ITGA2B: variants seen among roughly 807,000 people sequenced by gnomAD.
The protein encoded by ITGA2B is integrin alpha-IIb.
A neutral mutation model predicts 142.0 loss-of-function variants in ITGA2B; 91 were observed. The observed-to-expected ratio is 0.64, with a 90% CI of 0.54 to 0.76. The LOEUF (loss-of-function observed/expected upper bound fraction) is 0.76, where lower values mean the gene tolerates loss of function less well. Ranked by LOEUF, ITGA2B falls within the 30% of genes least tolerant of loss-of-function variation. The pLI is 0.00. For missense variants in ITGA2B, 1,231 were observed against 1,350.8 expected, an observed-to-expected ratio of 0.91 and a Z score of 1.39; for synonymous variants, 536 against 567.2, an observed-to-expected ratio of 0.94 and a Z score of 0.78.
Position 44,383,675 on chromosome 17 carries a change from A to C in ITGA2B, c.1028T>G (p.Leu343Arg), listed in dbSNP as rs1476448476. 6.3e-7 allele frequency: 1 copy of C among 1,587,878 alleles called. No individual in the cohort carries two copies. The highest frequency in any genetic ancestry group is 1.3e-5 in the African/African-American group (1 of 74,408). Residue 343 changes from leucine (L) to arginine (R), a missense_variant, in exon 12 of 30, where the codon CTG becomes CGG. Physicochemically the swap from Leu to Arg is moderately radical, Grantham distance 102. This residue lies in a region of ITGA2B where 908 missense variants were observed against 1,021.1 expected (regional missense o/e 0.89). Transcript: ENST00000262407. The stretch of plus-strand genomic sequence containing the variant: ...TCGGTCTGCCCGGCTCTCCATATAC[A>C]GTGGAGCGCCCACCAGCAGATCATG... ...GRHDLLVGAP[L>R]YMESRADRKL...
At chr17:44,374,914 C>G in intron 27 of ITGA2B, 84 bp downstream of exon 27, 3 of 1,330,574 alleles carry the variant, frequency 2.3e-6, no homozygotes, top group Non-Finnish European at 3.1e-6. Flanking sequence ...TCTTCCTGCC[C>G]TCCCACACCA....
At position 44,374,677 on chromosome 17, in the gene ITGA2B, C is replaced by A; in HGVS notation, c.2925G>T (p.Leu975=). 6.2e-7 allele frequency: 1 copy of A among 1,613,958 alleles called. No individual in the cohort carries two copies. Among genetic ancestry groups the A allele is most frequent in the Non-Finnish European group, 8.5e-7 (1 of 1,179,878 alleles). Residue 975 remains leucine, a synonymous_variant, in exon 28 of 30, where the codon CTG becomes CTT. Transcript: ENST00000262407. ...SLPYAVPPLS[L]PRGEAQVWTQ... is the part of the protein sequence containing the mutation. ...CACTCACCTGAGCTTCCCCTCGGGGCAGGCTGAGCGGGGGCACCGCATAGG... is the reference window on the plus strand; with the variant it reads ...CACTCACCTGAGCTTCCCCTCGGGGAAGGCTGAGCGGGGGCACCGCATAGG...
rs116403863 is a variant in ITGA2B at position 44,375,428 on chromosome 17, A to G, written c.2727+163T>C. The G allele has an allele frequency of 2.5e-4, 208 of 840,330 alleles. No homozygotes were observed. In the African/African-American group the frequency reaches 3.2e-3, roughly 13 times the overall value. 52.1% of individuals were successfully genotyped at this position (840,330 alleles called of 1,614,324 possible). ...GTGCAAGTGTCTTTCAGCTCACCCC[A>G]GACACAAGCCAGCATGCTCCTCCAT... On this transcript the variant is annotated intron_variant, in intron 26 of 29. Coordinates refer to ENST00000262407, the MANE Select transcript of ITGA2B (RefSeq NM_000419.5).
chr17:44,382,409 C>A (rs1441687390), intron 12 of ITGA2B, among the ~76,000 whole-genome samples: 1 of 152,098 alleles, frequency 6.6e-6, no homozygotes, highest in Non-Finnish European at 1.5e-5. Flanking sequence ...TACCTTACCC[C>A]ATTGCATTCT....
In ITGA2B at chr17:44,385,842, G is replaced by A; in HGVS notation, c.390C>T (p.Ser130=). Residue 130 remains serine (S), a synonymous_variant, in exon 3 of 30, where the codon AGC becomes AGT. Coordinates refer to ENST00000262407, the MANE Select transcript of ITGA2B (RefSeq NM_000419.5). The part of the protein sequence containing the change: ...ARQGLGASVV[S]WSDVIVACAP... ...GGCCCACCACAATGACGTCGCTCCA[G>A]CTGACGACCGACGCCCCCAGTCCTT... The A allele has an allele frequency of 6.2e-7, 1 of 1,604,276 alleles. No individual in the cohort carries two copies. The highest frequency in any genetic ancestry group is 8.5e-7 in the Non-Finnish European group (1 of 1,174,968).
intron 1 of ITGA2B, among the ~76,000 whole-genome samples, chr17:44,388,505 C>T (rs1319123274): frequency 1.4e-4 from 21 of 149,320 alleles, no homozygotes; most frequent in Admixed American, 2.0e-4. Context: ...TACAAGCATG[C>T]GGCACCACGC....
rs2048625416 is a variant in ITGA2B, at chr17:44,384,424, T to C, written c.848-70A>G. On this transcript the variant is annotated intron_variant, in intron 8 of 29. Coordinates refer to ENST00000262407, the MANE Select transcript of ITGA2B (RefSeq NM_000419.5). ...CCTACCCACTTCCCGCTCCCCGTTC[T>C]GCACCCAGGGAAAAATGTGTGTGCA... 54 of 1,608,088 alleles carry C rather than the reference T, an allele frequency of 3.4e-5. No individual in the cohort carries two copies. In the South Asian group the frequency reaches 5.4e-4, roughly 16 times the overall value.
In ITGA2B at chr17:44,380,951, G is replaced by T; in HGVS notation, c.1321C>A (p.Pro441Thr). Reference protein sequence around the residue: ...RSRPSQVLDSPFPTGSAFGFS... With the variant: ...RSRPSQVLDSTFPTGSAFGFS... ...CCAAAGGCAGAGCCTGTGGGGAAGG[G>T]GCTGTCCAGGACCTGGGAGGGACGT... The change falls in exon 13 of 30, where the codon CCC becomes ACC. Residue 441 changes from proline (P) to threonine (T), a missense_variant. This residue lies in a region of ITGA2B where 908 missense variants were observed against 1,021.1 expected (regional missense o/e 0.89). Coordinates refer to ENST00000262407, the MANE Select transcript of ITGA2B (RefSeq NM_000419.5). 2 of 1,614,242 alleles carry T rather than the reference G, an allele frequency of 1.2e-6. No individual in the cohort carries two copies. Among genetic ancestry groups the T allele is most frequent in the Non-Finnish European group, 1.7e-6 (2 of 1,180,042 alleles).
intron 1 of ITGA2B, among the ~76,000 whole-genome samples, chr17:44,387,826 C>CAAAAAAAAAA (rs980395817): frequency 3.3e-4 from 8 of 24,550 alleles, no homozygotes; most frequent in Admixed American, 6.5e-4. Flanking sequence ...AACCCCATCT[C>CAAAAAAAAAA]AAAAAAAAAA....
rs1598378490 is a variant in ITGA2B, at chr17:44,378,482, TG to T, written c.1973del (p.Ala658GlufsTer37). 6.2e-7 allele frequency: 1 copy of T among 1,613,878 alleles called. No individual in the cohort carries two copies. Among genetic ancestry groups the T allele is most frequent in the African/African-American group, 1.3e-5 (1 of 75,068 alleles). On this transcript the variant is annotated frameshift_variant, in exon 20 of 30. Coordinates refer to ENST00000262407, the MANE Select transcript of ITGA2B (RefSeq NM_000419.5). LOFTEE classifies it high-confidence loss of function. ...SVTGSPLLVG[A>X]DNVLELQMDA... The stretch of plus-strand genomic sequence containing the variant: ...CCATCTGCAGCTCCAGGACATTATC[TG>T]CCCCAACTAGGAGCGGGGAGCCCGT...
chr17:44,385,871 G>T lies in ITGA2B; in HGVS notation c.361C>A (p.Arg121Ser). 1 of 1,606,706 alleles carries T rather than the reference G, an allele frequency of 6.2e-7. No individual in the cohort carries two copies. The highest frequency in any genetic ancestry group is 1.1e-5 in the South Asian group (1 of 90,246). ...GSQTLQTFKA[R>S]QGLGASVVSW... ...ACGACCGACGCCCCCAGTCCTTGGCGGGCCTTGAAGGTTTGTAAAGTTTGG... is the reference window on the plus strand; with the variant it reads ...ACGACCGACGCCCCCAGTCCTTGGCTGGCCTTGAAGGTTTGTAAAGTTTGG... Residue 121 changes from arginine (R) to serine (S), a missense_variant, in exon 3 of 30, where the codon CGC becomes AGC. This residue lies in a region of ITGA2B where 318 missense variants were observed against 312.2 expected (regional missense o/e 1.02). Transcript: ENST00000262407.
Position 44,389,616 on chromosome 17 carries a change from C to G in ITGA2B, c.-143G>C. 4 of 905,968 alleles carry G rather than the reference C, an allele frequency of 4.4e-6. No homozygotes were observed. Among genetic ancestry groups the G allele is most frequent in the Non-Finnish European group, 6.7e-6 (4 of 593,042 alleles). The allele number at this position is 905,968 out of a possible 1,614,324, so 56.1% of individuals were successfully genotyped here. ...ACGGGCAGAGCAAAGGGCTATAGCC[C>G]CTGGACTCATGGTGGCTAGAATTGC... On this transcript the variant is annotated 5_prime_UTR_variant, in exon 1 of 30. Coordinates refer to ENST00000262407, the MANE Select transcript of ITGA2B (RefSeq NM_000419.5).
intron 29 of ITGA2B, among the ~76,000 whole-genome samples, chr17:44,373,283 G>T (rs1166790672): frequency 6.6e-6 from 1 of 151,958 alleles, no homozygotes; most frequent in Non-Finnish European, 1.5e-5. Flanking sequence ...AAGTACAGGT[G>T]CCTGCCACCA....
Position 44,372,325 on chromosome 17 carries a change from A to G in ITGA2B, c.*39T>C. On this transcript the variant is annotated 3_prime_UTR_variant, in exon 30 of 30. Coordinates refer to ENST00000262407, the MANE Select transcript of ITGA2B (RefSeq NM_000419.5). The stretch of plus-strand genomic sequence containing the variant: ...TTGGAGAAGGGGCGGTGCAGGTAGC[A>G]CGCCCAACCCTCCTGCTAGAATAGT... 1.9e-6 allele frequency: 3 copies of G among 1,603,764 alleles called. No individual in the cohort carries two copies. Among genetic ancestry groups the G allele is most frequent in the Non-Finnish European group, 2.6e-6 (3 of 1,170,620 alleles).
In ITGA2B at chr17:44,375,633, T is replaced by C. The variant is rs139029282; in HGVS notation, c.2685A>G (p.Pro895=). 40 of 1,613,712 alleles carry C rather than the reference T, an allele frequency of 2.5e-5. No individual in the cohort carries two copies. In the Middle Eastern group the frequency reaches 9.9e-4, roughly 40 times the overall value. ...HKRDRRQIFL[P]EPEQPSRLQD... is the part of the protein sequence containing the mutation. ...GAAGCCTCGAGGGCTGCTCGGGCTC[T>C]GGCAGGAAGATCTGTCTGCGATCCC... is the stretch of plus-strand genomic sequence containing the variant. Residue 895 remains proline, a synonymous_variant, in exon 26 of 30, where the codon CCA becomes CCG. Transcript: ENST00000262407.
intron 21 of ITGA2B, among the ~76,000 whole-genome samples, chr17:44,377,321 G>T (rs963274543): frequency 1.3e-5 from 2 of 151,684 alleles, no homozygotes; most frequent in South Asian, 4.2e-4. Flanking sequence ...TCAACCTCCC[G>T]AGTAGCTCTG....
chr17:44,384,487 G>A, intron 8 of ITGA2B, 51 bp downstream of exon 8: 1 of 1,610,548 alleles, frequency 6.2e-7, no homozygotes, highest in East Asian at 2.2e-5. Context: ...TCAGGAAGGC[G>A]CTCCTCCCCG....
intron 20 of ITGA2B, 134 bp downstream of exon 20, chr17:44,378,228 T>A (rs2048561735): frequency 6.3e-6 from 7 of 1,119,590 alleles, no homozygotes; most frequent in Non-Finnish European, 8.3e-6. Flanking sequence ...TCCTCCAAAT[T>A]AAAAAAAAAA....
At position 44,377,103 on chromosome 17, in the gene ITGA2B, G is replaced by A. The variant is rs1478268234; in HGVS notation, c.2188-15C>T. 6.4e-7 allele frequency: 1 copy of A among 1,557,648 alleles called. No homozygotes were observed. The highest frequency in any genetic ancestry group is 1.9e-5 in the Admixed American group (1 of 51,996). Reference sequence around the variant, plus strand: ...GCGATTCCTATCTGGGAGATGAGGAGGGCCAAGGTCACTGCCCAAGTGCCC... The same window carrying A: ...GCGATTCCTATCTGGGAGATGAGGAAGGCCAAGGTCACTGCCCAAGTGCCC... On this transcript the variant is annotated splice_polypyrimidine_tract_variant and intron_variant, in intron 21 of 29. Transcript: ENST00000262407.
Sources: allele counts gnomAD v4.1 joint callset (sites outside exome capture counted in the v4.1 genomes callset), GRCh38; gene constraint gnomAD v4.1.1; regional missense constraint gnomAD v4.1.1; transcripts MANE v1.5; gene names NCBI Gene and HGNC (gene_info 2026-07-23, HGNC 2026-07-21).